Variants in GRID2 observed in about 807,000 individuals in gnomAD.
The protein encoded by GRID2 is glutamate ionotropic receptor delta type subunit 2, also known as glutamate receptor ionotropic, delta-2.
In GRID2, 33 loss-of-function variants were observed where a neutral mutation model predicts 114.8. That is an observed-to-expected ratio of 0.29 (90% CI 0.22 to 0.38). The LOEUF is 0.38. Among genes scored for constraint, GRID2 ranks in the 10% least tolerant of loss-of-function variants. The probability of loss-of-function intolerance (pLI) is 1.00; values close to 1 mark genes in which losing one functional copy is unlikely to be tolerated. For missense variants in GRID2, 1,184 were observed against 1,257.7 expected, an observed-to-expected ratio of 0.94 and a Z score of 0.89; for synonymous variants, 505 against 449.9, an observed-to-expected ratio of 1.12 and a Z score of -1.55.
chr4:93,241,530 AT>A, intron 8 of GRID2, among the ~76,000 whole-genome samples: 1 of 151,996 alleles, frequency 6.6e-6, no homozygotes. Context: ...TAAAATTATA[AT>A]TATGCTTATG....
chr4:93,275,553 T>C (rs988767941), intron 8 of GRID2, among the ~76,000 whole-genome samples: 1 of 151,798 alleles, frequency 6.6e-6, no homozygotes, highest in Non-Finnish European at 1.5e-5. Flanking sequence ...GTGTCTCCAT[T>C]GGCAATATAC....
intron 4 of GRID2, among the ~76,000 whole-genome samples, chr4:93,129,449 C>T (rs1042452025): frequency 4.6e-5 from 7 of 151,986 alleles, no homozygotes; most frequent in South Asian, 2.1e-4. Context: ...TTCCCCTTTC[C>T]GCAAGGATTC....
chr4:92,718,791 T>G (rs1308131308), intron 2 of GRID2, among the ~76,000 whole-genome samples: 1 of 133,404 alleles, frequency 7.5e-6, no homozygotes, highest in Non-Finnish European at 1.6e-5. Context: ...AAAGCCAGAA[T>G]ACTCTTAAGT....
At chr4:92,337,635 T>G (rs1727256538) in intron 1 of GRID2, among the ~76,000 whole-genome samples, 1 of 152,120 alleles carries the variant, frequency 6.6e-6, no homozygotes, top group Non-Finnish European at 1.5e-5. Context: ...CAAACACTTA[T>G]GAAACCATCA....
chr4:92,519,035 T>A (rs1724644940), intron 1 of GRID2, among the ~76,000 whole-genome samples: 1 of 151,756 alleles, frequency 6.6e-6, no homozygotes, highest in Non-Finnish European at 1.5e-5. Context: ...GAACCCCAAA[T>A]TGAAGACAAA....
intron 13 of GRID2, among the ~76,000 whole-genome samples, chr4:93,615,962 T>A (rs1230029624): frequency 6.6e-6 from 1 of 152,196 alleles, no homozygotes; most frequent in Non-Finnish European, 1.5e-5. Context: ...TATTTCCAAA[T>A]TAGAGAAGGA....
intron 2 of GRID2, among the ~76,000 whole-genome samples, chr4:92,620,744 A>G (rs978031960): frequency 2.6e-5 from 4 of 151,140 alleles, no homozygotes; most frequent in African/African-American, 9.7e-5. Flanking sequence ...CTAATATATG[A>G]CAGTATTAGG....
chr4:93,023,037 C>G (rs1006278213), intron 2 of GRID2, among the ~76,000 whole-genome samples: 1 of 150,744 alleles, frequency 6.6e-6, no homozygotes, highest in Middle Eastern at 3.4e-3. Flanking sequence ...TGAACCAGTG[C>G]CATTGATTTT....
intron 14 of GRID2, among the ~76,000 whole-genome samples, chr4:93,687,488 G>C (rs1726175203): frequency 6.6e-6 from 1 of 151,918 alleles, no homozygotes; most frequent in East Asian, 1.9e-4. Context: ...TAAGAGGTGA[G>C]ATCAAAAGGC....
intron 2 of GRID2, among the ~76,000 whole-genome samples, chr4:92,729,133 A>G (rs1672576801): frequency 6.6e-6 from 1 of 152,014 alleles, no homozygotes; most frequent in South Asian, 2.1e-4. Flanking sequence ...CAGTAAAAAT[A>G]TTTCAGTGAC....
chr4:93,416,217 T>C lies in GRID2; in HGVS notation c.1348-6554T>C, dbSNP rs1246922276. Among the ~76,000 whole-genome samples, 7 of 152,118 alleles carry C rather than the reference T, an allele frequency of 4.6e-5. No homozygotes were observed. The East Asian group carries it at 1.4e-3, about 29-fold the overall frequency. The stretch of plus-strand genomic sequence containing the variant: ...TTTAACAAATTCCATACCATTGGCC[T>C]TCCTAACTTGTGAACATTTCTAATA... On this transcript the variant is annotated intron_variant, in intron 9 of 15. Transcript: ENST00000282020.
At chr4:92,748,716 C>G (rs1021540093) in intron 2 of GRID2, among the ~76,000 whole-genome samples, 1 of 149,866 alleles carries the variant, frequency 6.7e-6, no homozygotes, top group South Asian at 2.1e-4. Flanking sequence ...GGCTGGAGTG[C>G]AGTGGTGTGA....
intron 14 of GRID2, among the ~76,000 whole-genome samples, chr4:93,703,378 T>A (rs910996217): frequency 6.6e-6 from 1 of 152,130 alleles, no homozygotes; most frequent in Admixed American, 6.6e-5. Context: ...ACCTCAAGCA[T>A]CTATTATTTC....
In GRID2 at chr4:93,562,196, G is replaced by GT. The variant is rs35552209; in HGVS notation, c.2193+46796dup. 1.0e-3 allele frequency among the ~76,000 whole-genome samples: 150 copies of GT among 148,496 alleles called. 1 individual carries two copies. The East Asian group carries it at 0.014, about 14-fold the overall frequency. On this transcript the variant is annotated intron_variant, in intron 13 of 15. Transcript: ENST00000282020. ...CTCATCAGCATTTGGTTTTGTCAGA[G>GT]TTTTTTTTTTTATTTTGGCCATTCT... is the stretch of plus-strand genomic sequence containing the variant.
intron 1 of GRID2, among the ~76,000 whole-genome samples, chr4:92,411,655 G>GTGTATATATATATATATATA: frequency 7.0e-4 from 59 of 84,654 alleles, no homozygotes; most frequent in East Asian, 3.5e-3. Context: ...GTGTGTGTGT[G>GTGTATATATATATATATATA]TATATATATA....
At chr4:92,322,372 A>C (rs1256284525) in intron 1 of GRID2, among the ~76,000 whole-genome samples, 2 of 152,208 alleles carry the variant, frequency 1.3e-5, no homozygotes, top group Admixed American at 6.6e-5. Context: ...TGTATTGTCC[A>C]GTTTATTGTC....
intron 2 of GRID2, among the ~76,000 whole-genome samples, chr4:92,718,656 A>T (rs974235854): frequency 1.3e-5 from 2 of 149,312 alleles, no homozygotes; most frequent in Admixed American, 1.4e-4. Flanking sequence ...ATAGATGATC[A>T]GGAGGCTCAG....
intron 2 of GRID2, among the ~76,000 whole-genome samples, chr4:92,987,800 C>A (rs1229404707): frequency 6.6e-6 from 1 of 151,812 alleles, no homozygotes; most frequent in African/African-American, 2.4e-5. Flanking sequence ...CAAATGCCAA[C>A]TCTCTCTAAT....
At chr4:92,309,657 C>G (rs1725596334) in intron 1 of GRID2, among the ~76,000 whole-genome samples, 1 of 151,574 alleles carries the variant, frequency 6.6e-6, no homozygotes, top group Non-Finnish European at 1.5e-5. Flanking sequence ...TAAATATGAT[C>G]CCTGTCTCTT....
Sources: allele counts gnomAD v4.1 joint callset (sites outside exome capture counted in the v4.1 genomes callset), GRCh38; gene constraint gnomAD v4.1.1; transcripts MANE v1.5; gene names NCBI Gene and HGNC (gene_info 2026-07-23, HGNC 2026-07-21).